The following UBXN7 variants were observed in gnomAD, a reference collection of about 807,000 sequenced individuals.
The protein encoded by UBXN7 is UBX domain-containing protein 7.
A neutral mutation model predicts 58.0 loss-of-function variants in UBXN7; 9 were observed. The observed-to-expected ratio is 0.16, with a 90% confidence interval of 0.09 to 0.27. The LOEUF (loss-of-function observed/expected upper bound fraction) is 0.27, where lower values mean the gene tolerates loss of function less well. UBXN7 is among the 10% of genes least tolerant of loss of function. The pLI is 1.00. For missense variants in UBXN7, 328 were observed against 599.6 expected (o/e 0.55, Z 4.73); for synonymous variants, 208 against 205.0 (o/e 1.01, Z -0.12).
Position 196,369,401 on chromosome 3 carries a change from C to T in UBXN7, c.706+20G>A, listed in dbSNP as rs758794941. The T allele has an allele frequency of 8.4e-6, 13 of 1,550,446 alleles. No homozygotes were observed. The highest frequency in any genetic ancestry group is 2.2e-5 in the East Asian group (1 of 44,512). ...AAGACAAGTAATAGGTTAAAAGCTG[C>T]GTGCTGATATAAATCTTACCTGTCC... On this transcript the variant is annotated intron_variant, in intron 7 of 10. Transcript: ENST00000296328.
chr3:196,362,030 A>G (rs1225348590), intron 9 of UBXN7, 107 bp from the exon 10 acceptor site: 5 of 1,190,524 alleles, frequency 4.2e-6, no homozygotes, highest in African/African-American at 1.5e-5. Context: ...GCAATTACTC[A>G]AGTGTTTTGC....
At chr3:196,430,673 G>A (rs1400115487) in intron 1 of UBXN7, among the ~76,000 whole-genome samples, 1 of 152,084 alleles carries the variant, frequency 6.6e-6, no homozygotes, top group Non-Finnish European at 1.5e-5. Flanking sequence ...ACAGGCGTGA[G>A]ACACCGCGCC....
At chr3:196,414,177 G>T (rs1466386684) in intron 1 of UBXN7, among the ~76,000 whole-genome samples, 3 of 152,048 alleles carry the variant, frequency 2.0e-5, no homozygotes. Flanking sequence ...TAGAGACAGG[G>T]TTTCACCATG....
chr3:196,401,308 CA>C, intron 3 of UBXN7, among the ~76,000 whole-genome samples: 2 of 106,764 alleles, frequency 1.9e-5, no homozygotes, highest in South Asian at 6.0e-4. Flanking sequence ...TACACACACA[CA>C]CACACACACA....
intron 4 of UBXN7, 134 bp from the exon 5 acceptor site, chr3:196,392,059 TA>T (rs768259590): frequency 2.4e-5 from 13 of 546,570 alleles, no homozygotes; most frequent in Admixed American, 3.8e-5. Context: ...TACAAAGATC[TA>T]ATGTTGACTC....
At chr3:196,408,072 TG>T (rs1284094230) in intron 1 of UBXN7, among the ~76,000 whole-genome samples, 5 of 121,378 alleles carry the variant, frequency 4.1e-5, no homozygotes. Flanking sequence ...CACTCCAGCC[TG>T]GGCAACAGAG....
intron 2 of UBXN7, among the ~76,000 whole-genome samples, chr3:196,406,002 T>C (rs1053452922): frequency 1.3e-5 from 2 of 152,082 alleles, no homozygotes; most frequent in South Asian, 2.1e-4. Flanking sequence ...CAAGTTTCTG[T>C]ATTAGGTGGT....
At chr3:196,370,187 T>C (rs1387977129) in intron 6 of UBXN7, among the ~76,000 whole-genome samples, 2 of 148,170 alleles carry the variant, frequency 1.3e-5, no homozygotes, top group African/African-American at 4.9e-5. Context: ...CCTATAACCC[T>C]AGCACTTTGT....
chr3:196,386,498 G>A (rs1288969419), intron 5 of UBXN7, among the ~76,000 whole-genome samples: 4 of 150,776 alleles, frequency 2.7e-5, no homozygotes, highest in Admixed American at 2.7e-4. Context: ...TCCTTAAGCT[G>A]ATAAGCAACT....
chr3:196,417,096 A>G lies in UBXN7; in HGVS notation c.74-9703T>C, dbSNP rs371379384. Among the ~76,000 whole-genome samples, 876 of 152,104 alleles carry G rather than the reference A, an allele frequency of 5.8e-3. 2 individuals are homozygous for G. Among genetic ancestry groups the G allele is most frequent in the Middle Eastern group, 0.017 (5 of 294 alleles). On this transcript the variant is annotated intron_variant, in intron 1 of 10. Transcript: ENST00000296328. ...TGGGGGGCCGAGGCGGGCGGATCAC[A>G]AGGTCAGGAGATCGAGACCATCCTG...
chr3:196,375,004 G>GAGGAAGTA, intron 5 of UBXN7, among the ~76,000 whole-genome samples: 1 of 37,532 alleles, frequency 2.7e-5, no homozygotes, highest in East Asian at 6.0e-4. Flanking sequence ...GGGAGGGAGG[G>GAGGAAGTA]AGGAAGGAAG....
chr3:196,421,669 T>C (rs1730691817), intron 1 of UBXN7, among the ~76,000 whole-genome samples: 1 of 151,310 alleles, frequency 6.6e-6, no homozygotes, highest in South Asian at 2.1e-4. Flanking sequence ...CCCAGCTACT[T>C]GGGAGGCTGA....
At chr3:196,401,264 A>C (rs1300737609) in intron 3 of UBXN7, among the ~76,000 whole-genome samples, 1 of 86,580 alleles carries the variant, frequency 1.2e-5, no homozygotes, top group South Asian at 3.8e-4. Flanking sequence ...AAAAAAAAAA[A>C]AAAAAAAAAA....
intron 1 of UBXN7, among the ~76,000 whole-genome samples, chr3:196,414,015 G>A (rs940102146): frequency 1.3e-5 from 2 of 152,076 alleles, no homozygotes; most frequent in African/African-American, 2.4e-5. Context: ...CTTTTTCCCT[G>A]AATATTTTGT....
intron 3 of UBXN7, chr3:196,400,709 C>T (rs964092443): frequency 1.6e-5 from 6 of 371,292 alleles, no homozygotes; most frequent in Non-Finnish European, 3.1e-5. Context: ...CACTGCACTC[C>T]AGCCTGGGCA....
At chr3:196,431,202 G>A (rs976331962) in intron 1 of UBXN7, among the ~76,000 whole-genome samples, 9 of 152,058 alleles carry the variant, frequency 5.9e-5, no homozygotes, top group African/African-American at 1.7e-4. Context: ...AACAAATTAC[G>A]AGATAAAGTA....
chr3:196,388,265 AG>A (rs1352262648), intron 5 of UBXN7, among the ~76,000 whole-genome samples: 1 of 140,106 alleles, frequency 7.1e-6, no homozygotes, highest in Non-Finnish European at 1.5e-5. Flanking sequence ...GATACAGGGC[AG>A]GGAACATCAC....
chr3:196,427,798 G>C (rs1730896655), intron 1 of UBXN7, among the ~76,000 whole-genome samples: 1 of 152,202 alleles, frequency 6.6e-6, no homozygotes, highest in Non-Finnish European at 1.5e-5. Context: ...AAAGTAACAA[G>C]ACTGGTTTTC....
At chr3:196,421,657 G>C (rs1283410176) in intron 1 of UBXN7, among the ~76,000 whole-genome samples, 3 of 151,658 alleles carry the variant, frequency 2.0e-5, no homozygotes, top group African/African-American at 7.3e-5. Context: ...GGCGCCTGTA[G>C]TCCCAGCTAC....
Sources: allele counts gnomAD v4.1 joint callset (sites outside exome capture counted in the v4.1 genomes callset), GRCh38; gene constraint gnomAD v4.1.1; transcripts MANE v1.5; gene names NCBI Gene and HGNC (gene_info 2026-07-23, HGNC 2026-07-21).